Variants in C12orf42 observed in about 807,000 individuals in gnomAD.
The protein encoded by C12orf42 is chromosome 12 open reading frame 42.
A neutral mutation model predicts 21.6 loss-of-function variants in C12orf42; 25 were observed. The observed-to-expected ratio is 1.16, with a 90% confidence interval of 0.84 to 1.62. The LOEUF is 1.62. Among genes scored for constraint, C12orf42 ranks in the 40% most tolerant of loss-of-function variants. The pLI is 0.00. For missense variants in C12orf42, 483 were observed against 459.3 expected (o/e 1.05, Z -0.47); for synonymous variants, 174 against 175.0 (o/e 0.99, Z 0.05).
chr12:103,528,296 C>T, the C12orf42 span, among the ~76,000 whole-genome samples: 2 of 152,176 alleles, frequency 1.3e-5, no homozygotes, highest in Non-Finnish European at 2.9e-5. Context: ...TTAGGTCCAA[C>T]CAGTGTCATA....
intron 1 of C12orf42, among the ~76,000 whole-genome samples, chr12:103,494,646 A>T (rs972207756): frequency 6.6e-6 from 1 of 152,278 alleles, no homozygotes; most frequent in East Asian, 1.9e-4. Context: ...GTGTCTTCAG[A>T]CTTTTTTTTC....
intron 1 of C12orf42, among the ~76,000 whole-genome samples, chr12:103,492,959 T>C (rs1955276081): frequency 6.6e-6 from 1 of 152,224 alleles, no homozygotes; most frequent in Non-Finnish European, 1.5e-5. Flanking sequence ...TCATCAGTTC[T>C]TTCTCTAAAG....
the C12orf42 span, among the ~76,000 whole-genome samples, chr12:103,536,844 C>T: frequency 2.0e-5 from 3 of 152,248 alleles, no homozygotes; most frequent in Middle Eastern, 3.4e-3. Context: ...CTTCCCTTAC[C>T]GCCCTTAAAA....
At chr12:103,225,412 G>C in the C12orf42 span, among the ~76,000 whole-genome samples, 23 of 152,270 alleles carry the variant, frequency 1.5e-4, no homozygotes, top group African/African-American at 5.1e-4. Flanking sequence ...AGCGTGTTGC[G>C]GGACGGGATA....
chr12:103,236,668 A>G (rs1449657283), downstream of C12orf42, among the ~76,000 whole-genome samples: 1 of 152,150 alleles, frequency 6.6e-6, no homozygotes, highest in Non-Finnish European at 1.5e-5. Context: ...GTTCTTCTAC[A>G]ATGGGCCCCC....
chr12:103,285,290 T>A (rs1246320530), intron 4 of C12orf42, among the ~76,000 whole-genome samples: 2 of 152,262 alleles, frequency 1.3e-5, no homozygotes, highest in Non-Finnish European at 2.9e-5. Context: ...AGATCTACTC[T>A]GTGCTAAGCA....
At chr12:103,179,587 T>C in the C12orf42 span, among the ~76,000 whole-genome samples, 1 of 152,174 alleles carries the variant, frequency 6.6e-6, no homozygotes, top group Non-Finnish European at 1.5e-5. Flanking sequence ...AGTGGATTAT[T>C]GCACCATGGA....
At chr12:103,061,779 G>A in the C12orf42 span, among the ~76,000 whole-genome samples, 1,771 of 151,374 alleles carry the variant, frequency 0.012, 38 homozygotes, top group African/African-American at 0.041. Flanking sequence ...TCTCTTATAA[G>A]GCACACACAG....
chr12:103,432,038 C>T (rs148688450), intron 2 of C12orf42, among the ~76,000 whole-genome samples: 75 of 152,286 alleles, frequency 4.9e-4, no homozygotes, highest in African/African-American at 1.5e-3. Context: ...GGGTATTATA[C>T]GTTGGCATGC....
chr12:103,151,443 C>T, the C12orf42 span, among the ~76,000 whole-genome samples: 8 of 152,130 alleles, frequency 5.3e-5, no homozygotes, highest in African/African-American at 1.7e-4. Flanking sequence ...AGAAAAATTA[C>T]AGATCAATAT....
chr12:103,211,553 A>G, the C12orf42 span, among the ~76,000 whole-genome samples: 1 of 152,210 alleles, frequency 6.6e-6, no homozygotes, highest in Admixed American at 6.6e-5. Context: ...TAAGGAATGA[A>G]GGCATCCAGC....
chr12:103,063,063 G>A, the C12orf42 span, among the ~76,000 whole-genome samples: 2 of 152,130 alleles, frequency 1.3e-5, no homozygotes, highest in Admixed American at 6.6e-5. Context: ...CTGAAACACC[G>A]CTCATGAGAG....
the C12orf42 span, among the ~76,000 whole-genome samples, chr12:103,052,927 AGTGGCAACTTT>A: frequency 2.9e-3 from 435 of 152,152 alleles, 2 homozygotes; most frequent in Admixed American, 3.1e-3. Context: ...ACTTTATTAA[AGTGGCAACTTT>A]GTGATGAATT....
chr12:103,380,130 A>C (rs896192340), intron 3 of C12orf42, among the ~76,000 whole-genome samples: 1 of 152,212 alleles, frequency 6.6e-6, no homozygotes, highest in Non-Finnish European at 1.5e-5. Flanking sequence ...CCACCATGAT[A>C]ATTTCATTAT....
chr12:103,230,606 T>A, the C12orf42 span, among the ~76,000 whole-genome samples: 1 of 152,236 alleles, frequency 6.6e-6, no homozygotes, highest in Admixed American at 6.5e-5. Flanking sequence ...ATGCCACATT[T>A]GACAAGGCCT....
intron 10 of C12orf42, among the ~76,000 whole-genome samples, chr12:103,255,902 A>G (rs1193145562): frequency 6.7e-6 from 1 of 150,146 alleles, no homozygotes; most frequent in Non-Finnish European, 1.5e-5. Flanking sequence ...ATACAAAAAA[A>G]ATTAGCCGGG....
At chr12:103,149,072 C>T in the C12orf42 span, among the ~76,000 whole-genome samples, 1 of 152,178 alleles carries the variant, frequency 6.6e-6, no homozygotes, top group Non-Finnish European at 1.5e-5. Context: ...TACCCAACTA[C>T]TTGATACCTA....
At position 103,250,435 on chromosome 12, in the gene C12orf42, G is replaced by A. The variant is rs78731957; in HGVS notation, c.*1367-12533C>T. Among the ~76,000 whole-genome samples, 887 of 152,140 alleles carry A rather than the reference G, an allele frequency of 5.8e-3. 8 individuals carry two copies. The highest frequency in any genetic ancestry group is 0.02 in the African/African-American group (849 of 41,520). Reference sequence around the variant, plus strand: ...CAGCACCTACATTTTAAAGCCCAGAGATGCAGTACAATTGGTATAGCTTCG... The same window carrying A: ...CAGCACCTACATTTTAAAGCCCAGAAATGCAGTACAATTGGTATAGCTTCG... On this transcript the variant is annotated intron_variant and NMD_transcript_variant, in intron 10 of 10. Transcript: ENST00000547347.
At chr12:103,543,888 TTTG>T in the C12orf42 span, among the ~76,000 whole-genome samples, 3,918 of 97,094 alleles carry the variant, frequency 0.04, 92 homozygotes, top group East Asian at 0.19. Flanking sequence ...GGGTTTTTTT[TTTG>T]TTTTGTTTTT....
Sources: allele counts gnomAD v4.1 joint callset (sites outside exome capture counted in the v4.1 genomes callset), GRCh38; gene constraint gnomAD v4.1.1; transcripts MANE v1.5; gene names NCBI Gene and HGNC (gene_info 2026-07-23, HGNC 2026-07-21).